Variants in MAF observed in about 807,000 individuals in gnomAD.
MAF encodes MAF bZIP transcription factor.
Under a neutral mutation model 22.0 loss-of-function variants are expected in MAF, and 10 were observed. The ratio of observed to expected loss-of-function variants is 0.45; its 90% confidence interval spans 0.28 to 0.77. The LOEUF is 0.77. Ranked by LOEUF, MAF falls within the 30% of genes least tolerant of loss-of-function variation. The probability of loss-of-function intolerance (pLI) is 0.12; values close to 1 mark genes in which losing one functional copy is unlikely to be tolerated. For missense variants in MAF, 544 were observed against 548.4 expected (o/e 0.99, Z 0.08); for synonymous variants, 337 against 255.8 (o/e 1.32, Z -3.03).
At chr16:79,228,670 A>G in the MAF span, among the ~76,000 whole-genome samples, 5 of 152,072 alleles carry the variant, frequency 3.3e-5, 1 homozygote, top group Non-Finnish European at 2.9e-5. Flanking sequence ...AAGATAGAGG[A>G]AAAGAGCTCT....
At chr16:79,477,109 A>G in the MAF span, among the ~76,000 whole-genome samples, 111 of 152,324 alleles carry the variant, frequency 7.3e-4, no homozygotes, top group East Asian at 0.018. Flanking sequence ...CTAGCAAAGC[A>G]ATGGTTGAAA....
the MAF span, among the ~76,000 whole-genome samples, chr16:79,220,532 C>G: frequency 5.3e-5 from 8 of 151,976 alleles, no homozygotes; most frequent in Non-Finnish European, 1.2e-4. Flanking sequence ...CTGTATCTAG[C>G]GAACAGATAG....
At chr16:79,524,936 C>G in the MAF span, among the ~76,000 whole-genome samples, 5 of 152,134 alleles carry the variant, frequency 3.3e-5, no homozygotes, top group African/African-American at 7.2e-5. Flanking sequence ...GTGAGGTTTG[C>G]TTTAAGTAGA....
the MAF span, among the ~76,000 whole-genome samples, chr16:79,297,173 C>T: frequency 5.3e-5 from 8 of 152,048 alleles, no homozygotes; most frequent in Non-Finnish European, 8.8e-5. Context: ...CATCATTTAA[C>T]GCAAGGCCAT....
the MAF span, among the ~76,000 whole-genome samples, chr16:79,419,749 A>G: frequency 6.6e-6 from 1 of 152,194 alleles, no homozygotes; most frequent in Non-Finnish European, 1.5e-5. Flanking sequence ...GGCACGAGGA[A>G]GAAATCATCT....
At chr16:79,447,902 A>AT in the MAF span, among the ~76,000 whole-genome samples, 1 of 147,444 alleles carries the variant, frequency 6.8e-6, no homozygotes, top group Admixed American at 6.9e-5. Context: ...AAAAAAAAAA[A>AT]AAAAAAAGAA....
At chr16:79,441,690 A>C in the MAF span, among the ~76,000 whole-genome samples, 2 of 152,238 alleles carry the variant, frequency 1.3e-5, no homozygotes, top group Non-Finnish European at 2.9e-5. Context: ...CAGTTTGCTG[A>C]TAGAAGAGGA....
the MAF span, among the ~76,000 whole-genome samples, chr16:79,310,810 T>A: frequency 6.6e-6 from 1 of 152,194 alleles, no homozygotes; most frequent in South Asian, 2.1e-4. Flanking sequence ...CCCTGAGTAG[T>A]CCCTGGTCGT....
the MAF span, among the ~76,000 whole-genome samples, chr16:79,479,297 C>G: frequency 4.6e-5 from 7 of 152,230 alleles, no homozygotes; most frequent in African/African-American, 1.7e-4. Context: ...ACCATCATGG[C>G]ATACCTATGT....
the MAF span, among the ~76,000 whole-genome samples, chr16:79,541,462 C>G: frequency 1.3e-5 from 2 of 151,836 alleles, no homozygotes; most frequent in Non-Finnish European, 2.9e-5. Flanking sequence ...GTAGTACCTG[C>G]TTCCCAAACC....
At chr16:79,329,275 G>A in the MAF span, among the ~76,000 whole-genome samples, 5 of 152,144 alleles carry the variant, frequency 3.3e-5, no homozygotes, top group Non-Finnish European at 1.5e-5. Flanking sequence ...GGCTGCCAGT[G>A]AGTGACTGAG....
downstream of MAF, among the ~76,000 whole-genome samples, chr16:79,592,179 C>T (rs1387415818): frequency 6.6e-6 from 1 of 152,144 alleles, no homozygotes; most frequent in Admixed American, 6.6e-5. Context: ...ATTTGCTACG[C>T]CTTCATGCAA....
the MAF span, among the ~76,000 whole-genome samples, chr16:79,487,415 C>T: frequency 6.6e-6 from 1 of 151,990 alleles, no homozygotes; most frequent in Non-Finnish European, 1.5e-5. Flanking sequence ...TATACAAATT[C>T]GTGGGCCTAT....
chr16:79,317,708 T>C, the MAF span, among the ~76,000 whole-genome samples: 1 of 152,178 alleles, frequency 6.6e-6, no homozygotes, highest in Non-Finnish European at 1.5e-5. Flanking sequence ...TTTCCACTTT[T>C]CTCAGCTGTC....
the MAF span, among the ~76,000 whole-genome samples, chr16:79,485,583 A>T: frequency 3.3e-5 from 5 of 152,210 alleles, no homozygotes; most frequent in African/African-American, 9.6e-5. Flanking sequence ...TAAGTCCATG[A>T]GCACAAACTG....
the MAF span, among the ~76,000 whole-genome samples, chr16:79,478,513 A>T: frequency 1.3e-5 from 2 of 152,120 alleles, no homozygotes; most frequent in Admixed American, 1.3e-4. Context: ...TAGGTCTTAG[A>T]TGTGGCAATG....
At chr16:79,474,249 C>A in the MAF span, among the ~76,000 whole-genome samples, 1 of 152,210 alleles carries the variant, frequency 6.6e-6, no homozygotes, top group African/African-American at 2.4e-5. Flanking sequence ...TGCTGGAAAC[C>A]TTAACGCATT....
the MAF span, among the ~76,000 whole-genome samples, chr16:79,258,889 G>A: frequency 2.6e-5 from 4 of 152,128 alleles, no homozygotes; most frequent in East Asian, 5.8e-4. Flanking sequence ...ACTGCTGTGC[G>A]ACTAGGGGAG....
At chr16:79,458,434 G>A in the MAF span, among the ~76,000 whole-genome samples, 1 of 152,052 alleles carries the variant, frequency 6.6e-6, no homozygotes, top group Non-Finnish European at 1.5e-5. Flanking sequence ...ATTTCATGAG[G>A]AGTCATTTTT....
Sources: allele counts gnomAD v4.1 joint callset (sites outside exome capture counted in the v4.1 genomes callset), GRCh38; gene constraint gnomAD v4.1.1; transcripts MANE v1.5; gene names NCBI Gene and HGNC (gene_info 2026-07-23, HGNC 2026-07-21).